PDE7A: variants seen among roughly 807,000 people sequenced by gnomAD.
The protein encoded by PDE7A is phosphodiesterase 7A.
In PDE7A, 39 loss-of-function variants were observed where a neutral mutation model predicts 64.3. That is an observed-to-expected ratio of 0.61 (90% CI 0.47 to 0.79). The LOEUF (loss-of-function observed/expected upper bound fraction) is 0.79, where lower values mean the gene tolerates loss of function less well. Among genes scored for constraint, PDE7A ranks in the 30% least tolerant of loss-of-function variants. The probability of loss-of-function intolerance (pLI) is 0.00; values close to 1 mark genes in which losing one functional copy is unlikely to be tolerated. For synonymous variants in PDE7A, 203 were observed against 206.8 expected (o/e 0.98, Z 0.16); for missense variants, 470 against 582.8 (o/e 0.81, Z 1.99).
chr8:65,816,997 T>C (rs1810423518), intron 1 of PDE7A, among the ~76,000 whole-genome samples: 1 of 152,222 alleles, frequency 6.6e-6, no homozygotes, highest in African/African-American at 2.4e-5. Context: ...TCTGTTCAAT[T>C]TTCTTCCATC....
chr8:65,774,846 C>T (rs563770040), intron 3 of PDE7A, among the ~76,000 whole-genome samples: 1 of 152,086 alleles, frequency 6.6e-6, no homozygotes. Flanking sequence ...TGCTAATACA[C>T]TGAATTTACT....
chr8:65,740,307 T>C (rs930037373), intron 5 of PDE7A, among the ~76,000 whole-genome samples: 2 of 152,212 alleles, frequency 1.3e-5, no homozygotes, highest in African/African-American at 4.8e-5. Context: ...AAGCCTTTTA[T>C]GCTCTTCTTA....
chr8:65,715,536 C>T lies in PDE7A; in HGVS notation c.*3754G>A, dbSNP rs952654254. Among the ~76,000 whole-genome samples, 17 of 151,812 alleles carry T rather than the reference C, an allele frequency of 1.1e-4. No individual in the cohort carries two copies. Among genetic ancestry groups the T allele is most frequent in the African/African-American group, 3.9e-4 (16 of 41,472 alleles). ...GGGATTACAGGAATGCGCCACCACG[C>T]CCAGCTAATTTTTGCATTTTTAGTA... On this transcript the variant is annotated 3_prime_UTR_variant, in exon 13 of 13. Coordinates refer to ENST00000401827, the MANE Select transcript of PDE7A (RefSeq NM_001242318.3).
At chr8:65,749,362 T>C (rs185803057) in intron 3 of PDE7A, among the ~76,000 whole-genome samples, 1 of 152,170 alleles carries the variant, frequency 6.6e-6, no homozygotes, top group Non-Finnish European at 1.5e-5. Flanking sequence ...TACACACAAA[T>C]AAACAGAAGT....
At chr8:65,789,311 T>G (rs1809639682) in intron 1 of PDE7A, among the ~76,000 whole-genome samples, 1 of 152,146 alleles carries the variant, frequency 6.6e-6, no homozygotes, top group Non-Finnish European at 1.5e-5. Flanking sequence ...ACTAACAGAG[T>G]GCCTTAAAAC....
intron 1 of PDE7A, among the ~76,000 whole-genome samples, chr8:65,834,778 T>C (rs560259800): frequency 5.3e-5 from 8 of 152,184 alleles, no homozygotes; most frequent in Non-Finnish European, 8.8e-5. Context: ...CCAAAATTGC[T>C]ACTCAAAGAA....
At chr8:65,780,580 C>T (rs570976997) in intron 2 of PDE7A, among the ~76,000 whole-genome samples, 1 of 152,204 alleles carries the variant, frequency 6.6e-6, no homozygotes, top group East Asian at 1.9e-4. Context: ...ATTTTATTTT[C>T]TTCTCTCATC....
rs1396183066 is a variant in PDE7A at position 65,714,913 on chromosome 8, C to G, written c.*4377G>C. The G allele has an allele frequency of 6.6e-6, 1 of 152,124 alleles. No homozygotes were observed. Among genetic ancestry groups the G allele is most frequent in the Non-Finnish European group, 1.5e-5 (1 of 68,026 alleles). 9.4% of individuals were successfully genotyped at this position (152,124 alleles called of 1,614,324 possible). On this transcript the variant is annotated 3_prime_UTR_variant, in exon 13 of 13. Coordinates refer to ENST00000401827, the MANE Select transcript of PDE7A (RefSeq NM_001242318.3). ...ATAAAATATGATTTTTACTTTTATA[C>G]AGAGTATCATTACCAACCATCACAT...
intron 9 of PDE7A, among the ~76,000 whole-genome samples, chr8:65,726,027 T>C (rs1007658178): frequency 6.6e-6 from 1 of 152,164 alleles, no homozygotes; most frequent in African/African-American, 2.4e-5. Context: ...TTTCTCATGG[T>C]CATTACACAA....
chr8:65,809,752 C>T (rs938956446), intron 1 of PDE7A, among the ~76,000 whole-genome samples: 14 of 152,168 alleles, frequency 9.2e-5, no homozygotes, highest in African/African-American at 2.9e-4. Context: ...TGAAAAAATG[C>T]TCATCATCAC....
chr8:65,780,124 A>T (rs1202597914), intron 2 of PDE7A, among the ~76,000 whole-genome samples: 4 of 145,278 alleles, frequency 2.8e-5, no homozygotes, highest in Admixed American at 6.9e-5. Flanking sequence ...CATGGGCAAC[A>T]TTTTTTTTTT....
chr8:65,726,250 G>A (rs923538388), intron 9 of PDE7A, among the ~76,000 whole-genome samples: 2 of 152,068 alleles, frequency 1.3e-5, no homozygotes, highest in African/African-American at 2.4e-5. Flanking sequence ...TGGCAATGAC[G>A]TGAGATTTTA....
intron 8 of PDE7A, 23 bp from the exon 9 acceptor site, chr8:65,726,989 G>A (rs1440825809): frequency 7.7e-7 from 1 of 1,304,536 alleles, no homozygotes; most frequent in East Asian, 2.3e-5. Flanking sequence ...ACGTTTCTGA[G>A]TTACTTAATG....
At chr8:65,791,534 A>T (rs1200129328) in intron 1 of PDE7A, among the ~76,000 whole-genome samples, 6 of 152,236 alleles carry the variant, frequency 3.9e-5, no homozygotes, top group Non-Finnish European at 7.3e-5. Context: ...TGTGTTTGCA[A>T]GTGCCCTGAG....
intron 5 of PDE7A, among the ~76,000 whole-genome samples, chr8:65,744,560 C>G (rs1807587179): frequency 6.6e-6 from 1 of 152,116 alleles, no homozygotes; most frequent in South Asian, 2.1e-4. Flanking sequence ...TCCCCCAAAC[C>G]ACCCATACTC....
chr8:65,839,398 C>CT (rs775525188), intron 1 of PDE7A, among the ~76,000 whole-genome samples: 296 of 145,332 alleles, frequency 2.0e-3, no homozygotes, highest in Admixed American at 3.8e-3. Flanking sequence ...TTTCTGTCTC[C>CT]TTTTTTTTTT....
chr8:65,780,359 G>T (rs939889911), intron 2 of PDE7A, among the ~76,000 whole-genome samples: 3 of 152,154 alleles, frequency 2.0e-5, no homozygotes, highest in Non-Finnish European at 4.4e-5. Context: ...AAATGTTAAA[G>T]ACTTTGTTTT....
intron 1 of PDE7A, among the ~76,000 whole-genome samples, chr8:65,812,931 T>C (rs73693431): frequency 0.01 from 1,599 of 152,310 alleles, 35 homozygotes; most frequent in African/African-American, 0.037. Flanking sequence ...AAAGGCTCAC[T>C]AGCCAACTCA....
In PDE7A at chr8:65,724,895, G is replaced by A. The variant is rs201522074; in HGVS notation, c.947C>T (p.Ala316Val). 19 of 1,606,962 alleles carry A rather than the reference G, an allele frequency of 1.2e-5. No homozygotes were observed. The East Asian group carries it at 2.5e-4, about 21-fold the overall frequency. ...ACTGATGTCTGTGGCTAGTATCAGA[G>A]CACCTATCTGTGTCTCCATTTGTTG... ...SRQQMETQIG[A>V]LILATDISRQ... Residue 316 changes from alanine (A) to valine (V), a missense_variant, in exon 10 of 13, where the codon GCT (alanine) becomes GTT (valine). Coordinates refer to ENST00000401827, the MANE Select transcript of PDE7A (RefSeq NM_001242318.3).
Sources: gnomAD v4.1 joint callset for allele counts (sites outside exome capture counted in the v4.1 genomes callset) on GRCh38, gnomAD v4.1.1 for gene constraint, MANE v1.5 for transcripts, NCBI Gene and HGNC (gene_info 2026-07-23, HGNC 2026-07-21) for gene names.